DCT: variants seen among roughly 807,000 people sequenced by gnomAD.
The protein encoded by DCT is dopachrome tautomerase, also known as L-dopachrome tautomerase.
Under a neutral mutation model 53.0 loss-of-function variants are expected in DCT, and 47 were observed. The observed-to-expected ratio is 0.89, with a 90% CI of 0.70 to 1.13. The LOEUF is 1.13. DCT is among the 50% of genes most tolerant of loss of function. The pLI is 0.00. For synonymous variants in DCT, 244 were observed against 237.0 expected, an observed-to-expected ratio of 1.03 and a Z score of -0.27; for missense variants, 669 against 637.4, an observed-to-expected ratio of 1.05 and a Z score of -0.53.
chr13:94,549,126 G>A, the DCT span, among the ~76,000 whole-genome samples: 11 of 152,250 alleles, frequency 7.2e-5, no homozygotes, highest in South Asian at 6.2e-4. Flanking sequence ...GGCCGGCCTC[G>A]GTGCGCCTCT....
chr13:94,534,447 C>T, the DCT span, among the ~76,000 whole-genome samples: 4 of 152,284 alleles, frequency 2.6e-5, no homozygotes, highest in East Asian at 1.9e-4. Context: ...TTTCTTAGAC[C>T]ACCAATTATT....
chr13:94,506,290 C>T, the DCT span, among the ~76,000 whole-genome samples: 1 of 152,126 alleles, frequency 6.6e-6, no homozygotes, highest in Non-Finnish European at 1.5e-5. Flanking sequence ...AACCTAGGCT[C>T]TTGGGGAAAG....
chr13:94,482,465 G>A (rs946276018), upstream of DCT, among the ~76,000 whole-genome samples: 3 of 152,162 alleles, frequency 2.0e-5, no homozygotes, highest in East Asian at 1.9e-4. Flanking sequence ...ATTTTAACAC[G>A]TCTACAGCCA....
At chr13:94,523,338 G>A in the DCT span, among the ~76,000 whole-genome samples, 7 of 152,284 alleles carry the variant, frequency 4.6e-5, no homozygotes, top group East Asian at 1.4e-3. Flanking sequence ...CATAAATCCT[G>A]CCCTTAGGAA....
At chr13:94,528,784 C>T in the DCT span, among the ~76,000 whole-genome samples, 42 of 151,162 alleles carry the variant, frequency 2.8e-4, no homozygotes, top group East Asian at 5.9e-4. Flanking sequence ...CAAATTCAAA[C>T]GTAACAATAT....
chr13:94,487,230 G>A, the DCT span, among the ~76,000 whole-genome samples: 7 of 152,190 alleles, frequency 4.6e-5, no homozygotes, highest in Non-Finnish European at 1.0e-4. Flanking sequence ...TGTTCTGAAA[G>A]CCAGTAAAGA....
Position 94,437,567 on chromosome 13 carries a change from A to G in DCT, c.*2331T>C, listed in dbSNP as rs1205710843. 6.6e-6 allele frequency: 1 copy of G among 152,222 alleles called. No individual in the cohort carries two copies. Among genetic ancestry groups the G allele is most frequent in the Non-Finnish European group, 1.5e-5 (1 of 68,028 alleles). 9.4% of individuals were successfully genotyped at this position (152,222 alleles called of 1,614,324 possible). On this transcript the variant is annotated 3_prime_UTR_variant, in exon 8 of 8. Transcript: ENST00000377028. ...ATGCAGTTTTTCTAATACTGAAGAT[A>G]TAAGCAGTAAAGTGATCTGGTCATT...
rs777947373 is a variant in DCT, at chr13:94,439,907, T to C, written c.1551A>G (p.Glu517=). ...GTAAGGCATGAGCACCCTAGGCTTC[T>C]TCTGTGTATCTCTTGCTGCTTAAAT... ...ETHLSSKRYT[E]EA The change falls in exon 8 of 8, where the codon GAA becomes GAG. Residue 517 remains glutamate, a synonymous_variant. Transcript: ENST00000377028. 1.9e-6 allele frequency: 3 copies of C among 1,613,408 alleles called. No individual in the cohort carries two copies. Among genetic ancestry groups the C allele is most frequent in the Non-Finnish European group, 2.5e-6 (3 of 1,179,720 alleles).
chr13:94,492,897 C>G, the DCT span, among the ~76,000 whole-genome samples: 2 of 152,026 alleles, frequency 1.3e-5, no homozygotes, highest in Non-Finnish European at 2.9e-5. Context: ...TATATTGACC[C>G]CTGATCGACG....
chr13:94,465,968 T>A (rs867860023), intron 3 of DCT, among the ~76,000 whole-genome samples, 169 bp from the exon 4 acceptor site: 16 of 77,824 alleles, frequency 2.1e-4, no homozygotes, highest in African/African-American at 7.4e-4. Context: ...TGTGTATATT[T>A]TATATATATA....
chr13:94,478,292 G>A (rs1331275299), intron 1 of DCT, among the ~76,000 whole-genome samples: 4 of 151,890 alleles, frequency 2.6e-5, no homozygotes, highest in African/African-American at 9.7e-5. Flanking sequence ...GACCAGCTTG[G>A]CCAACATGGT....
chr13:94,493,209 G>A, the DCT span, among the ~76,000 whole-genome samples: 1 of 152,048 alleles, frequency 6.6e-6, no homozygotes, highest in Non-Finnish European at 1.5e-5. Flanking sequence ...CACATTATTA[G>A]CCATCATCCT....
the DCT span, among the ~76,000 whole-genome samples, chr13:94,522,274 C>T: frequency 6.6e-6 from 1 of 152,160 alleles, no homozygotes; most frequent in Non-Finnish European, 1.5e-5. Flanking sequence ...CAGCTGCCAG[C>T]ATGGCTAGAA....
chr13:94,530,293 C>T, the DCT span, among the ~76,000 whole-genome samples: 1 of 152,202 alleles, frequency 6.6e-6, no homozygotes, highest in Non-Finnish European at 1.5e-5. Flanking sequence ...TCTTATGAGG[C>T]TAGCGTCATC....
At chr13:94,535,207 C>A in the DCT span, among the ~76,000 whole-genome samples, 2,970 of 152,256 alleles carry the variant, frequency 0.02, 62 homozygotes, top group African/African-American at 0.03. Flanking sequence ...TGTTTTCATG[C>A]AGACTATTTT....
At chr13:94,448,911 A>AAAT (rs944861780) in intron 6 of DCT, among the ~76,000 whole-genome samples, 4 of 151,880 alleles carry the variant, frequency 2.6e-5, no homozygotes, top group Admixed American at 1.3e-4. Flanking sequence ...CTCAAAAAAA[A>AAAT]AATAATAATA....
At chr13:94,521,563 G>A in the DCT span, among the ~76,000 whole-genome samples, 4 of 152,170 alleles carry the variant, frequency 2.6e-5, no homozygotes, top group African/African-American at 4.8e-5. Flanking sequence ...CCAGCTACTC[G>A]AGAGGCTGAA....
At chr13:94,467,903 G>C (rs1388094164) in intron 2 of DCT, 1 of 152,094 alleles carries the variant, frequency 6.6e-6, no homozygotes, top group Non-Finnish European at 1.5e-5. Context: ...AAGAATCTAG[G>C]ATGGAGTCAA....
the DCT span, among the ~76,000 whole-genome samples, chr13:94,544,973 A>T: frequency 6.6e-6 from 1 of 152,120 alleles, no homozygotes; most frequent in African/African-American, 2.4e-5. Flanking sequence ...TTTAATGATG[A>T]TGGTGTTCTT....
Sources: allele counts gnomAD v4.1 joint callset (sites outside exome capture counted in the v4.1 genomes callset), GRCh38; gene constraint gnomAD v4.1.1; transcripts MANE v1.5; gene names NCBI Gene and HGNC (gene_info 2026-07-23, HGNC 2026-07-21).